The following BLM variants were observed in gnomAD, a reference collection of about 807,000 sequenced individuals.
BLM encodes the protein recQ-like DNA helicase BLM.
Under a neutral mutation model 135.3 loss-of-function variants are expected in BLM, and 95 were observed. That is an observed-to-expected ratio of 0.70 (90% confidence interval 0.59 to 0.83). BLM has a LOEUF of 0.83. Ranked by LOEUF, BLM falls within the 40% of genes least tolerant of loss-of-function variation. The probability of loss-of-function intolerance (pLI) is 0.00; values close to 1 mark genes in which losing one functional copy is unlikely to be tolerated. For synonymous variants in BLM, 520 were observed against 589.2 expected (o/e 0.88, Z 1.70); for missense variants, 1,518 against 1,663.9 (o/e 0.91, Z 1.53).
chr15:90,740,021 T>G (rs1410902426), intron 1 of BLM, among the ~76,000 whole-genome samples: 1 of 152,160 alleles, frequency 6.6e-6, no homozygotes, highest in East Asian at 1.9e-4. Flanking sequence ...CGCCTCAGCC[T>G]TCCAAAGGGC....
At chr15:90,800,388 A>C (rs887103163) in intron 17 of BLM, among the ~76,000 whole-genome samples, 4 of 152,350 alleles carry the variant, frequency 2.6e-5, no homozygotes, top group Admixed American at 6.5e-5. Flanking sequence ...CAGACTAACA[A>C]AAGTCAGGAG....
At chr15:90,760,349 G>A (rs1200010442) in intron 6 of BLM, 70 bp downstream of exon 6, 1 of 1,593,846 alleles carries the variant, frequency 6.3e-7, no homozygotes, top group Admixed American at 1.7e-5. Flanking sequence ...AAAATGGACA[G>A]GGCAAAATGT....
At chr15:90,803,009 T>C (rs1024043091) in intron 17 of BLM, among the ~76,000 whole-genome samples, 27 of 151,904 alleles carry the variant, frequency 1.8e-4, no homozygotes, top group African/African-American at 6.5e-4. Flanking sequence ...TTTAAAATTT[T>C]TAAATTAGGT....
intron 1 of BLM, among the ~76,000 whole-genome samples, chr15:90,743,821 G>C (rs1895432185): frequency 6.6e-6 from 1 of 152,196 alleles, no homozygotes; most frequent in Non-Finnish European, 1.5e-5. Flanking sequence ...TTTTGAGTAA[G>C]AAAATTATGT....
At chr15:90,794,609 G>T (rs967426986) in intron 16 of BLM, among the ~76,000 whole-genome samples, 1 of 151,272 alleles carries the variant, frequency 6.6e-6, no homozygotes, top group African/African-American at 2.4e-5. Context: ...TTATATATGT[G>T]CACTGATGAT....
chr15:90,813,317 G>C (rs1897469815), intron 21 of BLM, among the ~76,000 whole-genome samples: 1 of 152,220 alleles, frequency 6.6e-6, no homozygotes, highest in African/African-American at 2.4e-5. Context: ...AACCTAATCT[G>C]ATAAGAAGCA....
rs1896604400 is a variant in BLM, at chr15:90,781,003, A to G, written c.2556-1819A>G. 5.9e-5 allele frequency among the ~76,000 whole-genome samples: 9 copies of G among 152,322 alleles called. No individual in the cohort carries two copies. In the South Asian group the frequency reaches 1.7e-3, roughly 28 times the overall value. ...CCCCCATGGGAAACCAAGGGATGTG[A>G]AAATTGAGGGTCTGAATTTGTTTAA... is the stretch of plus-strand genomic sequence containing the variant. On this transcript the variant is annotated intron_variant, in intron 12 of 21. Transcript: ENST00000355112.
chr15:90,758,979 C>T (rs1327228533), intron 5 of BLM, among the ~76,000 whole-genome samples: 3 of 152,138 alleles, frequency 2.0e-5, no homozygotes, highest in African/African-American at 7.2e-5. Flanking sequence ...CTGTCCAACG[C>T]TTAACAATAC....
At chr15:90,779,124 A>T (rs1283137993) in intron 12 of BLM, among the ~76,000 whole-genome samples, 1 of 151,922 alleles carries the variant, frequency 6.6e-6, no homozygotes, top group Non-Finnish European at 1.5e-5. Flanking sequence ...TGACCTCATG[A>T]TCCGCCCAAC....
intron 1 of BLM, among the ~76,000 whole-genome samples, chr15:90,734,266 A>G (rs893354700): frequency 1.3e-5 from 2 of 152,064 alleles, no homozygotes; most frequent in African/African-American, 2.4e-5. Flanking sequence ...AAAAACTCTT[A>G]AGAAATTATA....
chr15:90,785,359 T>G (rs1896720102), intron 14 of BLM, among the ~76,000 whole-genome samples: 1 of 152,062 alleles, frequency 6.6e-6, no homozygotes, highest in Non-Finnish European at 1.5e-5. Context: ...ACAATAATCA[T>G]CTCTATCTAA....
chr15:90,742,930 C>T (rs1895405984), intron 1 of BLM, among the ~76,000 whole-genome samples: 1 of 151,876 alleles, frequency 6.6e-6, no homozygotes, highest in Admixed American at 6.6e-5. Context: ...GCCGCCGTGC[C>T]CAGCCTATTT....
chr15:90,798,897 C>T (rs956122400), intron 17 of BLM, among the ~76,000 whole-genome samples: 7 of 152,036 alleles, frequency 4.6e-5, no homozygotes, highest in Non-Finnish European at 7.4e-5. Context: ...GCAGGAGAAT[C>T]GCTAGAACCC....
At chr15:90,787,354 A>T (rs1896780438) in intron 14 of BLM, among the ~76,000 whole-genome samples, 1 of 152,010 alleles carries the variant, frequency 6.6e-6, no homozygotes, top group Non-Finnish European at 1.5e-5. Context: ...CACCCAGCCT[A>T]CTTTAGGCAT....
At chr15:90,794,504 A>T (rs1896985014) in intron 16 of BLM, 147 bp downstream of exon 16, 1 of 613,360 alleles carries the variant, frequency 1.6e-6, no homozygotes, top group Non-Finnish European at 2.7e-6. Flanking sequence ...TTGGAATGGA[A>T]ACATTTAAAA....
rs373090621 is a variant in BLM, at chr15:90,763,010, C to T, written c.1927C>T (p.Arg643Cys). ...NLASRNLKHE[R>C]FQSLSFPHTK... ...AGCATCCAGAAATCTGAAACATGAG[C>T]GTTTCCAAAGTCTTAGTTTTCCTCA... The change falls in exon 8 of 22, where the codon CGT becomes TGT. Residue 643 changes from arginine to cysteine, a missense_variant. Arg to Cys is a radical substitution (Grantham distance 180). This residue lies in a region of BLM where 724 missense variants were observed against 756.9 expected (regional missense o/e 0.96). Coordinates refer to ENST00000355112, the MANE Select transcript of BLM (RefSeq NM_000057.4). The T allele has an allele frequency of 3.1e-5, 50 of 1,613,306 alleles. No homozygotes were observed. In the African/African-American group the frequency reaches 4.1e-4, roughly 13 times the overall value.
rs1166986534 is a variant in BLM, at chr15:90,767,038, C to A, written c.2307+15C>A. ...CTCCAGAAAAGGTTTGTATTTATAT[C>A]ATTATTTTAAAATATATTAAAGACC... On this transcript the variant is annotated intron_variant, in intron 10 of 21. Transcript: ENST00000355112. 7.0e-7 allele frequency: 1 copy of A among 1,435,774 alleles called. No individual in the cohort carries two copies. Among genetic ancestry groups the A allele is most frequent in the Non-Finnish European group, 9.7e-7 (1 of 1,030,412 alleles). The allele number at this position is 1,435,774 out of a possible 1,614,324, so 88.9% of individuals were successfully genotyped here.
At chr15:90,718,969 A>C (rs777648767) in intron 1 of BLM, among the ~76,000 whole-genome samples, 1 of 152,056 alleles carries the variant, frequency 6.6e-6, no homozygotes, top group Non-Finnish European at 1.5e-5. Context: ...TTTCATAGTC[A>C]TTCCTGGAAT....
chr15:90,723,205 CTA>C lies in BLM; in HGVS notation c.-5+5768_-5+5769del, dbSNP rs746481372. Reference sequence around the variant, plus strand: ...TCATAGTTTGCCCTGATCTATACATCTATAAATAATATAGCTCAGTTTTGCCT... The same window carrying C: ...TCATAGTTTGCCCTGATCTATACATCTAAATAATATAGCTCAGTTTTGCCT... On this transcript the variant is annotated intron_variant, in intron 1 of 21. Transcript: ENST00000355112. Among the ~76,000 whole-genome samples the C allele has an allele frequency of 2.4e-4, 36 of 152,154 alleles. No homozygotes were observed. The South Asian group carries it at 2.9e-3, about 12-fold the overall frequency.
Sources: gnomAD v4.1 joint callset for allele counts (sites outside exome capture counted in the v4.1 genomes callset) on GRCh38, gnomAD v4.1.1 for gene constraint, gnomAD v4.1.1 regional missense constraint, MANE v1.5 for transcripts, NCBI Gene and HGNC (gene_info 2026-07-23, HGNC 2026-07-21) for gene names.